CFTR: variants seen among roughly 807,000 people sequenced by gnomAD.
CFTR encodes the protein CF transmembrane conductance regulator.
In CFTR, 181 loss-of-function variants were observed where a neutral mutation model predicts 171.6. The ratio of observed to expected loss-of-function variants is 1.05; its 90% CI spans 0.93 to 1.19. The LOEUF (loss-of-function observed/expected upper bound fraction) is 1.19, where lower values mean the gene tolerates loss of function less well. CFTR is among the 50% of genes most tolerant of loss of function. CFTR has a pLI of 0.00. For synonymous variants in CFTR, 583 were observed against 608.0 expected (o/e 0.96, Z 0.60); for missense variants, 1,968 against 1,734.7 (o/e 1.13, Z -2.39).
intron 21 of CFTR, among the ~76,000 whole-genome samples, chr7:117,619,961 G>A (rs1035035328): frequency 5.3e-5 from 8 of 151,926 alleles, no homozygotes; most frequent in African/African-American, 1.9e-4. Context: ...CAAGAAGCCT[G>A]ATGTGTGGAG....
rs572225170 is a variant in CFTR at position 117,629,587 on chromosome 7, T to C, written c.3717+1817T>C. Among the ~76,000 whole-genome samples, 20 of 152,296 alleles carry C rather than the reference T, an allele frequency of 1.3e-4. No homozygotes were observed. In the South Asian group the frequency reaches 3.7e-3, roughly 28 times the overall value. Reference sequence around the variant, plus strand: ...AATTAAAACAGAGGAAACTTTAAGATTGAAGTTTGAAACTGACTTGTTTGG... The same window carrying C: ...AATTAAAACAGAGGAAACTTTAAGACTGAAGTTTGAAACTGACTTGTTTGG... On this transcript the variant is annotated intron_variant, in intron 22 of 26. Coordinates refer to ENST00000003084, the MANE Select transcript of CFTR (RefSeq NM_000492.4).
chr7:117,614,383 T>C (rs986258094), intron 20 of CFTR, among the ~76,000 whole-genome samples: 2 of 152,170 alleles, frequency 1.3e-5, no homozygotes, highest in African/African-American at 4.8e-5. Context: ...AACACTTTCC[T>C]AATATTCAAT....
rs769476932 is a variant in CFTR at position 117,590,366 on chromosome 7, G to T, written c.1693G>T (p.Asp565Tyr). ...RISLARAVYKDADLYLLDSPF... is the reference protein window; with the variant it reads ...RISLARAVYKYADLYLLDSPF... ...TTTTCTTTTTAGAGCAGTATACAAAGATGCTGATTTGTATTTATTAGACTC... is the reference window on the plus strand; with the variant it reads ...TTTTCTTTTTAGAGCAGTATACAAATATGCTGATTTGTATTTATTAGACTC... The change falls in exon 13 of 27, where the codon GAT becomes TAT. Residue 565 changes from aspartate to tyrosine, a missense_variant. Transcript: ENST00000003084. 1 of 1,603,020 alleles carries T rather than the reference G, an allele frequency of 6.2e-7. No individual in the cohort carries two copies. The highest frequency in any genetic ancestry group is 8.5e-7 in the Non-Finnish European group (1 of 1,172,130).
At chr7:117,568,525 T>C (rs1266632936) in intron 11 of CFTR, among the ~76,000 whole-genome samples, 3 of 152,070 alleles carry the variant, frequency 2.0e-5, no homozygotes, top group Admixed American at 2.0e-4. Flanking sequence ...CTATTTGGTA[T>C]AGAAGGGGAA....
intron 3 of CFTR, among the ~76,000 whole-genome samples, chr7:117,520,319 C>A (rs1261602213): frequency 6.8e-6 from 1 of 147,700 alleles, no homozygotes; most frequent in Non-Finnish European, 1.5e-5. Flanking sequence ...ATTTTGCTGG[C>A]AAATCTATAT....
rs1793411519 is a variant in CFTR, at chr7:117,667,954, T to C, written c.*846T>C. ...GAACTAGAGTTTAGCTGGAAAAGTA[T>C]GTTAGTGCAAATTGTCACAGGACAG... On this transcript the variant is annotated 3_prime_UTR_variant, in exon 27 of 27. Transcript: ENST00000003084. 6.6e-6 allele frequency: 1 copy of C among 152,310 alleles called. No homozygotes were observed. The highest frequency in any genetic ancestry group is 2.4e-5 in the African/African-American group (1 of 41,456). The allele number at this position is 152,310 out of a possible 1,614,324, so 9.4% of individuals were successfully genotyped here.
At chr7:117,536,414 T>A in intron 6 of CFTR, 134 bp from the exon 7 acceptor site, 1 of 893,702 alleles carries the variant, frequency 1.1e-6, no homozygotes. Context: ...TTTGTTACCA[T>A]CTATTTGATA....
intron 13 of CFTR, 111 bp downstream of exon 13, chr7:117,590,550 G>A (rs1792010730): frequency 7.6e-7 from 1 of 1,321,228 alleles, no homozygotes; most frequent in Non-Finnish European, 1.0e-6. Flanking sequence ...CACCATTGTT[G>A]GTATGGCAGA....
intron 2 of CFTR, among the ~76,000 whole-genome samples, chr7:117,506,718 A>T (rs757933203): frequency 1.3e-5 from 2 of 152,172 alleles, no homozygotes; most frequent in Non-Finnish European, 2.9e-5. Context: ...TGTATCCCCC[A>T]TGTTGATTCA....
chr7:117,500,951 A>G (rs1018523954), intron 1 of CFTR, among the ~76,000 whole-genome samples: 1 of 152,228 alleles, frequency 6.6e-6, no homozygotes, highest in African/African-American at 2.4e-5. Context: ...TTATAAAAGC[A>G]GCTCACAAAT....
intron 11 of CFTR, among the ~76,000 whole-genome samples, chr7:117,579,975 CAATGTAT>C (rs1490292539): frequency 2.6e-5 from 4 of 151,610 alleles, no homozygotes; most frequent in African/African-American, 9.7e-5. Context: ...ATAGGATACT[CAATGTAT>C]AACCTGAAGG....
rs1256635916 is a variant in CFTR, at chr7:117,525,898, G to C, written c.274-5001G>C. 5.8e-3 allele frequency among the ~76,000 whole-genome samples: 878 copies of C among 150,354 alleles called. 6 individuals carry two copies. Among genetic ancestry groups the C allele is most frequent in the African/African-American group, 0.021 (838 of 40,584 alleles). ...TCCATTTATATTTAAAGTTAATATT[G>C]TTATGTGTGAATTTGATCCTGTCAT... On this transcript the variant is annotated intron_variant, in intron 3 of 26. Transcript: ENST00000003084.
intron 7 of CFTR, among the ~76,000 whole-genome samples, chr7:117,538,319 T>C (rs1798991556): frequency 6.6e-6 from 1 of 152,228 alleles, no homozygotes; most frequent in Non-Finnish European, 1.5e-5. Flanking sequence ...CTTTTATTGC[T>C]CTTTAGTAAT....
chr7:117,600,734 C>G (rs564526529), intron 15 of CFTR, among the ~76,000 whole-genome samples: 1 of 151,974 alleles, frequency 6.6e-6, no homozygotes, highest in Admixed American at 6.6e-5. Context: ...ATTCTTAAAG[C>G]CCTGAGAAAA....
chr7:117,512,494 C>T (rs184064622), intron 3 of CFTR, among the ~76,000 whole-genome samples: 32 of 151,938 alleles, frequency 2.1e-4, no homozygotes, highest in African/African-American at 5.1e-4. Flanking sequence ...GGTGTGGTGG[C>T]GTGGTGGCGG....
rs533774210 is a variant in CFTR at position 117,582,538 on chromosome 7, T to G, written c.1585-5201T>G. ...TTTCACCCTGAGGAATCCCATTCCC[T>G]CTAATCTGGGACAAGGGGGAGGAGA... On this transcript the variant is annotated intron_variant, in intron 11 of 26. Coordinates refer to ENST00000003084, the MANE Select transcript of CFTR (RefSeq NM_000492.4). Among the ~76,000 whole-genome samples, 24 of 152,202 alleles carry G rather than the reference T, an allele frequency of 1.6e-4. 2 individuals are homozygous for G. The highest frequency in any genetic ancestry group is 5.5e-4 in the African/African-American group (23 of 41,546).
At chr7:117,562,197 A>C (rs1211103352) in intron 11 of CFTR, among the ~76,000 whole-genome samples, 2 of 152,300 alleles carry the variant, frequency 1.3e-5, no homozygotes, top group East Asian at 1.9e-4. Context: ...TCTTCTACTT[A>C]TGCCTCCCTT....
At chr7:117,515,043 G>T (rs1449179531) in intron 3 of CFTR, among the ~76,000 whole-genome samples, 1 of 151,960 alleles carries the variant, frequency 6.6e-6, no homozygotes, top group Non-Finnish European at 1.5e-5. Flanking sequence ...GTAAATTCTG[G>T]AAATTAGATC....
At chr7:117,483,756 T>C (rs1346186340) in intron 1 of CFTR, among the ~76,000 whole-genome samples, 1 of 151,648 alleles carries the variant, frequency 6.6e-6, no homozygotes, top group African/African-American at 2.4e-5. Context: ...TTAAGTTATA[T>C]AGAGACAGTA....
Sources: allele counts gnomAD v4.1 joint callset (sites outside exome capture counted in the v4.1 genomes callset), GRCh38; gene constraint gnomAD v4.1.1; transcripts MANE v1.5; gene names NCBI Gene and HGNC (gene_info 2026-07-23, HGNC 2026-07-21).